The following EVA1A variants were observed in gnomAD, a reference collection of about 807,000 sequenced individuals.
EVA1A encodes eva-1 homolog A, regulator of programmed cell death.
Under a neutral mutation model 9.8 loss-of-function variants are expected in EVA1A, and 7 were observed. The observed-to-expected ratio is 0.71, with a 90% CI of 0.41 to 1.34. EVA1A has a LOEUF of 1.34. EVA1A is among the 40% of genes most tolerant of loss of function. EVA1A has a pLI of 0.01. For synonymous variants in EVA1A, 90 were observed against 85.6 expected (o/e 1.05, Z -0.28); for missense variants, 206 against 205.9 (o/e 1.00, Z 0.00).
At chr2:75,556,648 G>A (rs1425546475) in intron 1 of EVA1A, among the ~76,000 whole-genome samples, 1 of 152,204 alleles carries the variant, frequency 6.6e-6, no homozygotes, top group East Asian at 1.9e-4. Context: ...GGAAGGCAGT[G>A]CTATAGGGCA....
chr2:75,516,185 T>C (rs1675001777), intron 3 of EVA1A, among the ~76,000 whole-genome samples: 1 of 152,258 alleles, frequency 6.6e-6, no homozygotes, highest in African/African-American at 2.4e-5. Flanking sequence ...TTGCTTCCAA[T>C]CCATTTATTT....
At position 75,560,791 on chromosome 2, in the gene EVA1A, G is replaced by C. The variant is rs115603825; in HGVS notation, c.-303C>G. 28,142 of 152,690 alleles carry C rather than the reference G, an allele frequency of 0.18. 3,067 individuals are homozygous for C. Among genetic ancestry groups the C allele is most frequent in the East Asian group, 0.3 (1,519 of 5,126 alleles). 9.5% of individuals were successfully genotyped at this position (152,690 alleles called of 1,614,324 possible). On this transcript the variant is annotated 5_prime_UTR_variant, in exon 1 of 4. Transcript: ENST00000393913. ...GGGCGGACACGACAAAGCGCTGCCC[G>C]GGTCTTGGGCCGGCACCAGTACCTC... is the stretch of plus-strand genomic sequence containing the variant.
intron 1 of EVA1A, among the ~76,000 whole-genome samples, chr2:75,550,947 T>C (rs1177185803): frequency 2.0e-5 from 3 of 152,016 alleles, no homozygotes; most frequent in Non-Finnish European, 4.4e-5. Flanking sequence ...CATGGTGAAA[T>C]GCTGTCTTTA....
chr2:75,535,297 A>G (rs1455810311), intron 1 of EVA1A, among the ~76,000 whole-genome samples: 1 of 144,268 alleles, frequency 6.9e-6, no homozygotes, highest in Non-Finnish European at 1.5e-5. Flanking sequence ...AGATATGGCA[A>G]AAAAAAAAAA....
At chr2:75,496,405 C>A (rs1674213340) in intron 3 of EVA1A, among the ~76,000 whole-genome samples, 1 of 151,894 alleles carries the variant, frequency 6.6e-6, no homozygotes, top group South Asian at 2.1e-4. Flanking sequence ...AAGCTGAGAG[C>A]CAAATCAAAA....
At chr2:75,519,267 C>T (rs1298612148) in intron 2 of EVA1A, among the ~76,000 whole-genome samples, 2 of 152,152 alleles carry the variant, frequency 1.3e-5, no homozygotes, top group Non-Finnish European at 2.9e-5. Flanking sequence ...TCAAGGCAGG[C>T]AATTGAGTCA....
rs567408941 is a variant in EVA1A, at chr2:75,511,400, C to T, written c.85+6656G>A. On this transcript the variant is annotated intron_variant, in intron 3 of 3. Transcript: ENST00000393913. The stretch of plus-strand genomic sequence containing the variant: ...TTTTCACTGGACATAAGTAAAGAAC[C>T]GGTTAAACTATGGATGTCTATCTAT... Among the ~76,000 whole-genome samples, 22 of 152,058 alleles carry T rather than the reference C, an allele frequency of 1.4e-4. No homozygotes were observed. The East Asian group carries it at 1.9e-3, about 13-fold the overall frequency.
intron 3 of EVA1A, among the ~76,000 whole-genome samples, chr2:75,511,519 G>A (rs147244145): frequency 1.6e-4 from 24 of 152,278 alleles, no homozygotes; most frequent in African/African-American, 5.3e-4. Flanking sequence ...AGTGAAAAAC[G>A]TGAAGGGCAA....
In EVA1A at chr2:75,550,060, T is replaced by C. The variant is rs142645464; in HGVS notation, c.-192+10620A>G. Among the ~76,000 whole-genome samples, 725 of 152,246 alleles carry C rather than the reference T, an allele frequency of 4.8e-3. 21 individuals carry two copies. Among genetic ancestry groups the C allele is most frequent in the Admixed American group, 0.042 (634 of 15,272 alleles). On this transcript the variant is annotated intron_variant, in intron 1 of 3. Transcript: ENST00000393913. The stretch of plus-strand genomic sequence containing the variant: ...AGAATCTTAAGTATGAAAACAGAGA[T>C]TGTCTTTGCCCCTAGATAAAAACAT...
chr2:75,535,669 G>C (rs1675857151), intron 1 of EVA1A, among the ~76,000 whole-genome samples: 1 of 152,152 alleles, frequency 6.6e-6, no homozygotes, highest in Non-Finnish European at 1.5e-5. Flanking sequence ...TATCCTAAGT[G>C]AAATAACTCA....
At chr2:75,496,366 A>C (rs1266431877) in intron 3 of EVA1A, among the ~76,000 whole-genome samples, 1 of 152,214 alleles carries the variant, frequency 6.6e-6, no homozygotes, top group East Asian at 1.9e-4. Context: ...TACAAAAATC[A>C]GTAGGATTTC....
chr2:75,506,108 A>T (rs1674612023), intron 3 of EVA1A, among the ~76,000 whole-genome samples: 1 of 152,230 alleles, frequency 6.6e-6, no homozygotes, highest in South Asian at 2.1e-4. Flanking sequence ...TAATGGCTAC[A>T]TAGTATTCTT....
At chr2:75,557,402 T>A (rs1337079087) in intron 1 of EVA1A, among the ~76,000 whole-genome samples, 8 of 152,172 alleles carry the variant, frequency 5.3e-5, no homozygotes, top group African/African-American at 1.9e-4. Context: ...TATGGGTCAT[T>A]AAATTCCCTT....
intron 3 of EVA1A, among the ~76,000 whole-genome samples, chr2:75,502,111 T>C (rs1207053488): frequency 2.0e-5 from 3 of 152,194 alleles, no homozygotes; most frequent in Admixed American, 6.5e-5. Context: ...TTAGTAGAAG[T>C]GTGTAGCATT....
intron 1 of EVA1A, among the ~76,000 whole-genome samples, chr2:75,544,034 C>A (rs1247328129): frequency 1.3e-5 from 2 of 152,174 alleles, no homozygotes; most frequent in Non-Finnish European, 2.9e-5. Context: ...CAATCATAGA[C>A]CCCAGTGGTT....
At chr2:75,539,188 C>T (rs1417300998) in intron 1 of EVA1A, among the ~76,000 whole-genome samples, 1 of 152,114 alleles carries the variant, frequency 6.6e-6, no homozygotes, top group Non-Finnish European at 1.5e-5. Context: ...GGGGAAATAT[C>T]CTCTTTCTCA....
intron 1 of EVA1A, among the ~76,000 whole-genome samples, chr2:75,533,272 A>G (rs1159494353): frequency 6.6e-6 from 1 of 152,204 alleles, no homozygotes; most frequent in African/African-American, 2.4e-5. Context: ...TTCAGAACAC[A>G]GAGGATGTTT....
At chr2:75,503,098 C>T (rs1306817801) in intron 3 of EVA1A, among the ~76,000 whole-genome samples, 2 of 152,156 alleles carry the variant, frequency 1.3e-5, no homozygotes, top group Admixed American at 6.5e-5. Flanking sequence ...GATTCCTGGA[C>T]AAGCCCAGTA....
At chr2:75,553,790 T>C (rs1676607964) in intron 1 of EVA1A, among the ~76,000 whole-genome samples, 1 of 152,206 alleles carries the variant, frequency 6.6e-6, no homozygotes, top group African/African-American at 2.4e-5. Flanking sequence ...CAACCATTCC[T>C]GCCCTGTGTG....
Sources: allele counts gnomAD v4.1 joint callset (sites outside exome capture counted in the v4.1 genomes callset), GRCh38; gene constraint gnomAD v4.1.1; transcripts MANE v1.5; gene names NCBI Gene and HGNC (gene_info 2026-07-23, HGNC 2026-07-21).